DNM3: variants seen among roughly 807,000 people sequenced by gnomAD.
DNM3 encodes dynamin-3.
A neutral mutation model predicts 101.6 loss-of-function variants in DNM3; 47 were observed. That is an observed-to-expected ratio of 0.46 (90% CI 0.37 to 0.59). The LOEUF is 0.59. Ranked by LOEUF, DNM3 falls within the 20% of genes least tolerant of loss-of-function variation. DNM3 has a pLI of 0.00. For missense variants in DNM3, 849 were observed against 1,085.7 expected, an observed-to-expected ratio of 0.78 and a Z score of 3.06; for synonymous variants, 385 against 387.9, an observed-to-expected ratio of 0.99 and a Z score of 0.09.
chr1:171,982,183 C>T (rs1055643102), intron 2 of DNM3, among the ~76,000 whole-genome samples: 7 of 152,152 alleles, frequency 4.6e-5, no homozygotes, highest in Admixed American at 2.0e-4. Flanking sequence ...AGTATAAAAC[C>T]GTGGTAAACT....
At chr1:171,855,313 A>G (rs2033478467) in intron 1 of DNM3, among the ~76,000 whole-genome samples, 1 of 152,172 alleles carries the variant, frequency 6.6e-6, no homozygotes, top group Non-Finnish European at 1.5e-5. Flanking sequence ...TGTCCTTGCT[A>G]TTGTGAATAG....
chr1:172,320,862 C>CTTCCAGG (rs2065681832), intron 16 of DNM3, among the ~76,000 whole-genome samples: 2 of 152,176 alleles, frequency 1.3e-5, no homozygotes, highest in Non-Finnish European at 2.9e-5. Context: ...AAGTCTGAAA[C>CTTCCAGG]AATGTCCTGG....
At chr1:172,256,696 C>T (rs2062413121) in intron 15 of DNM3, among the ~76,000 whole-genome samples, 1 of 151,398 alleles carries the variant, frequency 6.6e-6, no homozygotes, top group South Asian at 2.1e-4. Context: ...TAATTATTTC[C>T]TTCCTTGTAT....
intron 17 of DNM3, among the ~76,000 whole-genome samples, chr1:172,333,597 A>G (rs1002801392): frequency 1.3e-5 from 2 of 152,188 alleles, no homozygotes; most frequent in African/African-American, 4.8e-5. Flanking sequence ...TTTGTTTATC[A>G]TGCCTCAACT....
chr1:172,044,370 AT>A lies in DNM3; in HGVS notation c.1129-11del. 6.2e-7 allele frequency: 1 copy of A among 1,600,632 alleles called. No individual in the cohort carries two copies. The highest frequency in any genetic ancestry group is 1.3e-5 in the African/African-American group (1 of 74,840). On this transcript the variant is annotated splice_polypyrimidine_tract_variant and intron_variant, in intron 8 of 20. Transcript: ENST00000627582. ...GAATTAAGTGTCATAACTATGGCTC[AT>A]TTTGCATCTGCAGATGGAGTTCAAT... is the stretch of plus-strand genomic sequence containing the variant.
chr1:172,164,862 G>T (rs1332752933), intron 14 of DNM3, among the ~76,000 whole-genome samples: 1 of 151,868 alleles, frequency 6.6e-6, no homozygotes, highest in Non-Finnish European at 1.5e-5. Context: ...CATCAGACAT[G>T]GTAACCCTAG....
chr1:172,342,107 AG>A (rs1236540748), intron 17 of DNM3, among the ~76,000 whole-genome samples: 1 of 152,158 alleles, frequency 6.6e-6, no homozygotes, highest in Non-Finnish European at 1.5e-5. Flanking sequence ...ATAAAAAAAT[AG>A]CAGATGGTGG....
chr1:171,955,106 C>A, intron 2 of DNM3, among the ~76,000 whole-genome samples: 1 of 152,152 alleles, frequency 6.6e-6, no homozygotes, highest in Non-Finnish European at 1.5e-5. Flanking sequence ...GTAGTTCTAG[C>A]TAGGTGGGCT....
In DNM3 at chr1:172,365,791, T is replaced by G. The variant is rs960523092; in HGVS notation, c.1894-13227T>G. On this transcript the variant is annotated intron_variant, in intron 17 of 20. Coordinates refer to ENST00000627582, the MANE Select transcript of DNM3 (RefSeq NM_015569.5). ...ATCTGTGAGTTGCACATCCTGTAGA[T>G]GAGCGCAAAGAGATGAGTAAAAAAT... is the stretch of plus-strand genomic sequence containing the variant. Among the ~76,000 whole-genome samples the G allele has an allele frequency of 2.0e-5, 3 of 151,936 alleles. No homozygotes were observed. The South Asian group carries it at 6.2e-4, about 32-fold the overall frequency.
At chr1:171,957,222 G>C (rs2042922879) in intron 2 of DNM3, among the ~76,000 whole-genome samples, 1 of 148,396 alleles carries the variant, frequency 6.7e-6, no homozygotes, top group African/African-American at 2.5e-5. Flanking sequence ...TTTTGAGACG[G>C]AGTCTCGCAC....
chr1:172,370,656 T>C (rs1573634987), intron 17 of DNM3, among the ~76,000 whole-genome samples: 1 of 151,962 alleles, frequency 6.6e-6, no homozygotes, highest in Non-Finnish European at 1.5e-5. Flanking sequence ...TTTGAAGATT[T>C]TAGGTAGTAG....
chr1:172,119,909 A>G (rs976955236), intron 13 of DNM3, among the ~76,000 whole-genome samples: 1 of 152,032 alleles, frequency 6.6e-6, no homozygotes, highest in Admixed American at 6.6e-5. Context: ...TCTCTTCCTA[A>G]ATATTCTTCA....
At chr1:171,999,264 G>A (rs1459575263) in intron 4 of DNM3, among the ~76,000 whole-genome samples, 2 of 152,108 alleles carry the variant, frequency 1.3e-5, no homozygotes, top group African/African-American at 4.8e-5. Flanking sequence ...AAGGTACACT[G>A]TGAAAGTAGA....
In DNM3 at chr1:171,952,620, T is replaced by A. The variant is rs188272525; in HGVS notation, c.235+30799T>A. 7.9e-5 allele frequency among the ~76,000 whole-genome samples: 12 copies of A among 152,314 alleles called. No individual in the cohort carries two copies. The East Asian group carries it at 2.3e-3, about 29-fold the overall frequency. ...CGGTTGGGGAGGCTTAGGATTTTAT[T>A]TTTGATTTACAGGGGCAAATACAGT... On this transcript the variant is annotated intron_variant, in intron 2 of 20. Coordinates refer to ENST00000627582, the MANE Select transcript of DNM3 (RefSeq NM_015569.5).
chr1:172,200,175 G>C (rs2060101190), intron 14 of DNM3, among the ~76,000 whole-genome samples: 1 of 152,078 alleles, frequency 6.6e-6, no homozygotes, highest in Non-Finnish European at 1.5e-5. Context: ...AGCTTAGTTT[G>C]GCTGTATATG....
chr1:171,949,795 C>T lies in DNM3; in HGVS notation c.235+27974C>T, dbSNP rs116615849. 3.6e-3 allele frequency among the ~76,000 whole-genome samples: 554 copies of T among 152,186 alleles called. 6 individuals are homozygous for T. The highest frequency in any genetic ancestry group is 0.013 in the African/African-American group (526 of 41,502). ...ACCATACAAAGTGTTGACTAGGATG[C>T]GGAGGAACTGGAACTCTTACACACT... On this transcript the variant is annotated intron_variant, in intron 2 of 20. Coordinates refer to ENST00000627582, the MANE Select transcript of DNM3 (RefSeq NM_015569.5).
chr1:171,955,238 G>T (rs769831273), intron 2 of DNM3, among the ~76,000 whole-genome samples: 1 of 152,142 alleles, frequency 6.6e-6, no homozygotes, highest in Non-Finnish European at 1.5e-5. Flanking sequence ...CTGCTTAATG[G>T]TAGGAAAGCT....
rs1572690089 is a variant in DNM3 at position 172,140,706 on chromosome 1, T to A, written c.1659+9418T>A. On this transcript the variant is annotated intron_variant, in intron 14 of 20. Transcript: ENST00000627582. ...TTTTGAGCCAGAAAAACCACAACAG[T>A]TTTTCAGGGGAAAAAAAAAATCTTG... 3 of 152,024 alleles carry A rather than the reference T, an allele frequency of 2.0e-5. No individual in the cohort carries two copies. In the East Asian group the frequency reaches 5.8e-4, roughly 29 times the overall value. The allele number at this position is 152,024 out of a possible 1,614,324, so 9.4% of individuals were successfully genotyped here.
intron 15 of DNM3, among the ~76,000 whole-genome samples, chr1:172,271,349 T>C (rs2063076839): frequency 6.6e-6 from 1 of 152,196 alleles, no homozygotes; most frequent in East Asian, 1.9e-4. Flanking sequence ...AATATTCATT[T>C]ATTTAAAACT....
Sources: allele counts gnomAD v4.1 joint callset (sites outside exome capture counted in the v4.1 genomes callset), GRCh38; gene constraint gnomAD v4.1.1; transcripts MANE v1.5; gene names NCBI Gene and HGNC (gene_info 2026-07-23, HGNC 2026-07-21).